Variants in SIRT5 observed in about 807,000 individuals in gnomAD.
SIRT5 encodes the protein NAD-dependent protein deacylase sirtuin-5, mitochondrial.
SIRT5 carries 26 observed loss-of-function variants against 40.0 expected under a neutral mutation model. The ratio of observed to expected loss-of-function variants is 0.65; its 90% CI spans 0.48 to 0.90. SIRT5 has a LOEUF of 0.90. SIRT5 is among the 40% of genes least tolerant of loss of function. The pLI is 0.00. For missense variants in SIRT5, 401 were observed against 402.4 expected (o/e 1.00, Z 0.03); for synonymous variants, 146 against 149.1 (o/e 0.98, Z 0.15).
At chr6:13,574,503 T>A (rs1327272214), upstream of SIRT5, 7 of 143,390 alleles carry the variant, frequency 4.9e-5, no homozygotes, top group Non-Finnish European at 9.0e-5. Flanking sequence ...CCCGGGCTGG[T>A]GACTGGCTAG....
Position 13,607,313 on chromosome 6 carries a change from GT to G in SIRT5, c.858-4465del, listed in dbSNP as rs932205862. On this transcript the variant is annotated intron_variant, in intron 9 of 9. Coordinates refer to ENST00000606117, the MANE Select transcript of SIRT5 (RefSeq NM_012241.5). The surrounding 1 kb of genome is among the most constrained non-coding windows in gnomAD (Gnocchi z 4.0). ...AACTTCTGGTTTTTGATATTTGTCT[GT>G]TTTTTTTTTTTCTTTTAAAGGAGAG... Among the ~76,000 whole-genome samples the G allele has an allele frequency of 8.3e-4, 119 of 143,960 alleles. 1 individual carries two copies. Among genetic ancestry groups the G allele is most frequent in the African/African-American group, 1.6e-3 (64 of 39,480 alleles). The allele number at this position is 143,960 out of a possible 152,430, so 94.4% of individuals were successfully genotyped here.
chr6:13,601,838 T>A (rs1562277934), intron 9 of SIRT5, among the ~76,000 whole-genome samples: 5 of 142,610 alleles, frequency 3.5e-5, no homozygotes, highest in South Asian at 2.2e-4. Context: ...TGCTGGGATT[T>A]AAAAAAAAAA....
Position 13,595,462 on chromosome 6 carries a change from A to G in SIRT5, c.476-15A>G, listed in dbSNP as rs752590753. ...TTATACTAAATTCTGGATTTGCTTC[A>G]TATGTATTTTTCAGGTAGCTTATTT... On this transcript the variant is annotated splice_polypyrimidine_tract_variant and intron_variant, in intron 5 of 9. Transcript: ENST00000606117. The G allele has an allele frequency of 1.2e-6, 2 of 1,600,242 alleles. No homozygotes were observed. The highest frequency in any genetic ancestry group is 1.1e-5 in the South Asian group (1 of 90,766).
Position 13,612,735 on chromosome 6 carries a change from C to G in SIRT5, c.*870C>G, listed in dbSNP as rs1210059292. The G allele has an allele frequency of 6.6e-6, 1 of 152,208 alleles. No individual in the cohort carries two copies. The highest frequency in any genetic ancestry group is 1.5e-5 in the Non-Finnish European group (1 of 68,094). 9.4% of individuals were successfully genotyped at this position (152,208 alleles called of 1,614,324 possible). On this transcript the variant is annotated 3_prime_UTR_variant, in exon 10 of 10. Transcript: ENST00000606117. ...CACACAAAGAAGGAAGAGAACAGTA[C>G]CAACAAGGTAGAACATCACGATGAG...
intron 4 of SIRT5, 44 bp from the exon 5 acceptor site, chr6:13,591,625 G>GCTGTC: frequency 6.9e-7 from 1 of 1,449,188 alleles, no homozygotes; most frequent in Non-Finnish European, 9.2e-7. Context: ...CAGCATCCTG[G>GCTGTC]CTGTCTCTGC....
intron 1 of SIRT5, among the ~76,000 whole-genome samples, chr6:13,579,215 T>A (rs1488900367): frequency 6.6e-6 from 1 of 152,242 alleles, no homozygotes; most frequent in African/African-American, 2.4e-5. Flanking sequence ...CTTAAAAGAC[T>A]ATTTAGTAGC....
chr6:13,591,731 C>A lies in SIRT5; in HGVS notation c.312C>A (p.Tyr104Ter), dbSNP rs752119249. The A allele has an allele frequency of 6.2e-7, 1 of 1,611,446 alleles. No individual in the cohort carries two copies. The highest frequency in any genetic ancestry group is 8.5e-7 in the Non-Finnish European group (1 of 1,178,070). Reference protein sequence around the residue: ...NPSRVWEFYHYRREVMGSKEP... With the variant: ...NPSRVWEFYH The stretch of plus-strand genomic sequence containing the variant: ...CCCGGGTGTGGGAGTTCTACCACTA[C>A]CGGCGGGAGGTCATGGGGAGCAAGG... Residue 104 changes from tyrosine to a stop codon, truncating the protein, a stop_gained, in exon 5 of 10, where the codon TAC becomes TAA. Transcript: ENST00000606117. LOFTEE classifies it high-confidence loss of function.
At chr6:13,577,698 A>C (rs192551820) in intron 1 of SIRT5, among the ~76,000 whole-genome samples, 2 of 148,476 alleles carry the variant, frequency 1.3e-5, no homozygotes, top group African/African-American at 4.9e-5. Flanking sequence ...TATCTTATAT[A>C]CATAGATATT....
chr6:13,576,324 G>T (rs1401981351), intron 1 of SIRT5, among the ~76,000 whole-genome samples: 2 of 152,124 alleles, frequency 1.3e-5, no homozygotes, highest in African/African-American at 4.8e-5. Context: ...TGTTGTCTTT[G>T]ATCTTTTTTA....
upstream of SIRT5, among the ~76,000 whole-genome samples, chr6:13,574,359 C>T (rs1048041115): frequency 1.3e-5 from 2 of 152,050 alleles, no homozygotes; most frequent in Admixed American, 6.5e-5. Context: ...CCCGCTCGGG[C>T]TCCGGCTTCG....
chr6:13,600,885 G>T lies in SIRT5; in HGVS notation c.793G>T (p.Ala265Ser). The T allele has an allele frequency of 6.2e-7, 1 of 1,614,102 alleles. No individual in the cohort carries two copies. The highest frequency in any genetic ancestry group is 1.6e-4 in the Middle Eastern group (1 of 6,062). Residue 265 changes from alanine to serine, a missense_variant, in exon 9 of 10, where the codon GCT (alanine) becomes TCT (serine). By Grantham distance (99) the Ala-to-Ser change is moderately conservative. Coordinates refer to ENST00000606117, the MANE Select transcript of SIRT5 (RefSeq NM_012241.5). ...YPAAMFAPQV[A>S]ARGVPVAEFN... ...AGCAGCCATGTTTGCCCCCCAGGTG[G>T]CTGCCAGGGGCGTGCCAGTGGCTGA...
chr6:13,603,798 G>A (rs755630295), intron 9 of SIRT5, among the ~76,000 whole-genome samples: 1 of 152,110 alleles, frequency 6.6e-6, no homozygotes, highest in African/African-American at 2.4e-5. Flanking sequence ...CAACCCAAAC[G>A]TCCATCGACT....
In SIRT5 at chr6:13,600,843, T is replaced by G. The variant is rs774663829; in HGVS notation, c.751T>G (p.Ser251Ala). The G allele has an allele frequency of 6.2e-7, 1 of 1,611,618 alleles. No individual in the cohort carries two copies. ...HCDLCLVVGT[S>A]SVVYPAAMFA... ...TGTACTTGCCTTGTAGGTGGGCACT[T>G]CCTCTGTGGTGTACCCAGCAGCCAT... is the stretch of plus-strand genomic sequence containing the variant. The change falls in exon 9 of 10, where the codon TCC becomes GCC. Residue 251 changes from serine (S) to alanine (A), a missense_variant. Physicochemically the swap from Ser to Ala is moderately conservative, Grantham distance 99 (BLOSUM62 1). Transcript: ENST00000606117.
In SIRT5 at chr6:13,584,131, C is replaced by T. The variant is rs1363289341; in HGVS notation, c.21C>T (p.Val7=). The change falls in exon 3 of 10, where the codon GTC becomes GTT. Residue 7 remains valine (V), a synonymous_variant. Transcript: ENST00000606117. The stretch of plus-strand genomic sequence containing the variant: ...CCCTGATGCGACCTCTCCAGATTGT[C>T]CCAAGTCGATTGATTTCCCAGCTAT... MRPLQI[V]PSRLISQLYC... 6.2e-7 allele frequency: 1 copy of T among 1,614,030 alleles called. No individual in the cohort carries two copies. Among genetic ancestry groups the T allele is most frequent in the African/African-American group, 1.3e-5 (1 of 74,918 alleles).
At chr6:13,591,598 GCCTGTGC>G (rs1562269663) in intron 4 of SIRT5, 64 bp from the exon 5 acceptor site, 1 of 1,295,690 alleles carries the variant, frequency 7.7e-7, no homozygotes, top group East Asian at 2.6e-5. Context: ...GGGAGGAAGG[GCCTGTGC>G]CCCAGGGTTC....
intron 1 of SIRT5, among the ~76,000 whole-genome samples, chr6:13,577,618 A>G (rs1178564085): frequency 1.3e-5 from 2 of 149,452 alleles, no homozygotes; most frequent in African/African-American, 4.9e-5. Context: ...TTATATATAG[A>G]AATCTCATAT....
At chr6:13,584,272 C>G in intron 3 of SIRT5, 47 bp downstream of exon 3, 19 of 1,313,670 alleles carry the variant, frequency 1.4e-5, no homozygotes, top group Non-Finnish European at 2.1e-5. Flanking sequence ...ATGTGAAGTA[C>G]CTGAAAGTCC....
At chr6:13,605,477 A>G (rs201998348) in intron 9 of SIRT5, 37 of 983,948 alleles carry the variant, frequency 3.8e-5, no homozygotes, top group Non-Finnish European at 4.3e-5. Context: ...ATAGGCAGCT[A>G]GAATGCTGCC....
At chr6:13,582,610 C>A (rs1396296757) in intron 2 of SIRT5, among the ~76,000 whole-genome samples, 4 of 96,026 alleles carry the variant, frequency 4.2e-5, no homozygotes, top group Non-Finnish European at 9.1e-5. Context: ...TTGCCTCCCA[C>A]CAAAAAAAAA....
Sources: allele counts gnomAD v4.1 joint callset (sites outside exome capture counted in the v4.1 genomes callset), GRCh38; gene constraint gnomAD v4.1.1; non-coding constraint Gnocchi (gnomAD v3.1); transcripts MANE v1.5; gene names NCBI Gene and HGNC (gene_info 2026-07-23, HGNC 2026-07-21).